GPAT4: variants seen among roughly 807,000 people sequenced by gnomAD.
The protein encoded by GPAT4 is 1-AGP acyltransferase 6.
GPAT4 carries 17 observed loss-of-function variants against 58.0 expected under a neutral mutation model. The observed-to-expected ratio is 0.29, with a 90% CI of 0.20 to 0.44. The LOEUF (loss-of-function observed/expected upper bound fraction) is 0.44, where lower values mean the gene tolerates loss of function less well. Among genes scored for constraint, GPAT4 ranks in the 20% least tolerant of loss-of-function variants. The pLI, the probability that GPAT4 is intolerant of heterozygous loss-of-function variation, is 1.00. For synonymous variants in GPAT4, 204 were observed against 210.1 expected (o/e 0.97, Z 0.25); for missense variants, 377 against 574.5 (o/e 0.66, Z 3.51).
chr8:41,586,452 A>G lies in GPAT4; in HGVS notation c.-849+8174A>G, dbSNP rs141202605. On this transcript the variant is annotated intron_variant, in intron 1 of 12. Transcript: ENST00000396987. ...ACTTAGGAGTAGAATTGCGAGGTAC[A>G]TGGTAACTTTGTTTAACCATTCTCC... Among the ~76,000 whole-genome samples, 568 of 152,298 alleles carry G rather than the reference A, an allele frequency of 3.7e-3. 1 individual carries two copies. The highest frequency in any genetic ancestry group is 6.8e-3 in the Non-Finnish European group (462 of 68,026).
chr8:41,586,248 T>G (rs1031526461), intron 1 of GPAT4, among the ~76,000 whole-genome samples: 1 of 152,256 alleles, frequency 6.6e-6, no homozygotes, highest in African/African-American at 2.4e-5. Context: ...GCGTGTATCA[T>G]TTCTTCATTT....
intron 1 of GPAT4, among the ~76,000 whole-genome samples, chr8:41,589,998 G>A (rs1245442734): frequency 2.0e-5 from 3 of 152,208 alleles, no homozygotes; most frequent in East Asian, 3.8e-4. Context: ...ATGTACGAGC[G>A]TTTATCAAAA....
intron 10 of GPAT4, 198 bp from the exon 11 acceptor site, chr8:41,618,486 G>C: frequency 1.5e-6 from 1 of 659,550 alleles, no homozygotes. Flanking sequence ...CAGAGGCCGG[G>C]TTCCTCGGGG....
At chr8:41,602,253 T>G (rs1202971861) in intron 2 of GPAT4, among the ~76,000 whole-genome samples, 1 of 152,226 alleles carries the variant, frequency 6.6e-6, no homozygotes, top group Non-Finnish European at 1.5e-5. Context: ...CCACCACACC[T>G]GGCCTGGGGC....
At position 41,593,008 on chromosome 8, in the gene GPAT4, C is replaced by G. The variant is rs950960827; in HGVS notation, c.-848-5284C>G. 2.6e-5 allele frequency among the ~76,000 whole-genome samples: 4 copies of G among 152,296 alleles called. No individual in the cohort carries two copies. The South Asian group carries it at 8.3e-4, about 32-fold the overall frequency. Reference sequence around the variant, plus strand: ...ACAAGACTAGTATCCACATTCATTTCCACACAGTCCTAATTCATAACAAAT... The same window carrying G: ...ACAAGACTAGTATCCACATTCATTTGCACACAGTCCTAATTCATAACAAAT... On this transcript the variant is annotated intron_variant, in intron 1 of 12. Coordinates refer to ENST00000396987, the MANE Select transcript of GPAT4 (RefSeq NM_178819.4).
chr8:41,583,378 T>G (rs1401336185), intron 1 of GPAT4, among the ~76,000 whole-genome samples: 1 of 152,160 alleles, frequency 6.6e-6, no homozygotes, highest in Admixed American at 6.6e-5. Flanking sequence ...TGCTGGTATC[T>G]ATTATATTCT....
rs528981053 is a variant in GPAT4, at chr8:41,624,121, G to C, written c.*3120G>C. ...CAAAGTTCTGGGATTACAGGCGTGA[G>C]CCACTGCGCCCAGCCAAGAGGGAAC... On this transcript the variant is annotated 3_prime_UTR_variant, in exon 13 of 13. Coordinates refer to ENST00000396987, the MANE Select transcript of GPAT4 (RefSeq NM_178819.4). The C allele has an allele frequency of 6.6e-6, 1 of 152,424 alleles. No individual in the cohort carries two copies. Among genetic ancestry groups the C allele is most frequent in the African/African-American group, 2.4e-5 (1 of 41,582 alleles). The allele number at this position is 152,424 out of a possible 1,614,324, so 9.4% of individuals were successfully genotyped here.
chr8:41,583,455 T>TA (rs1563266855), intron 1 of GPAT4, among the ~76,000 whole-genome samples: 4 of 152,030 alleles, frequency 2.6e-5, no homozygotes, highest in East Asian at 3.8e-4. Flanking sequence ...TTAAATTTTT[T>TA]TAAAAAAATT....
At chr8:41,611,051 A>AT (rs1803427592) in intron 5 of GPAT4, among the ~76,000 whole-genome samples, 1 of 151,718 alleles carries the variant, frequency 6.6e-6, no homozygotes, top group African/African-American at 2.4e-5. Context: ...GCATGGCGAA[A>AT]CCTGTCTCTA....
intron 1 of GPAT4, among the ~76,000 whole-genome samples, chr8:41,589,804 G>A (rs75921625): frequency 3.8e-4 from 58 of 152,312 alleles, no homozygotes; most frequent in African/African-American, 1.3e-3. Flanking sequence ...TGGGTCTGTG[G>A]AACTCAGGGT....
At chr8:41,590,771 G>C (rs142155893) in intron 1 of GPAT4, among the ~76,000 whole-genome samples, 2 of 152,176 alleles carry the variant, frequency 1.3e-5, no homozygotes, top group African/African-American at 2.4e-5. Context: ...TTGTAGACTA[G>C]AGCATTTTGT....
chr8:41,609,928 T>C lies in GPAT4; in HGVS notation c.509T>C (p.Ile170Thr). 1.2e-6 allele frequency: 2 copies of C among 1,611,518 alleles called. No homozygotes were observed. Among genetic ancestry groups the C allele is most frequent in the Non-Finnish European group, 1.7e-6 (2 of 1,178,248 alleles). ...LTVLWGLGVL[I>T]RYCFLLPLRI... ...GTCCTGTGGGGGTTAGGAGTGCTGA[T>C]TCGGTACTGCTTTCTGCTGCCGCTC... The change falls in exon 4 of 13, where the codon ATT becomes ACT. Residue 170 changes from isoleucine to threonine, a missense_variant. Ile to Thr is a moderately conservative substitution (Grantham distance 89, BLOSUM62 -1). Coordinates refer to ENST00000396987, the MANE Select transcript of GPAT4 (RefSeq NM_178819.4).
At chr8:41,614,759 A>C (rs994115972) in intron 9 of GPAT4, among the ~76,000 whole-genome samples, 6 of 152,190 alleles carry the variant, frequency 3.9e-5, no homozygotes, top group Non-Finnish European at 8.8e-5. Flanking sequence ...AATCAGGGAA[A>C]GTGGTCCTGT....
rs1190809699 is a variant in GPAT4 at position 41,618,797 on chromosome 8, T to C, written c.1167T>C (p.Pro389=). The C allele has an allele frequency of 6.2e-7, 1 of 1,614,214 alleles. No individual in the cohort carries two copies. The highest frequency in any genetic ancestry group is 2.2e-5 in the East Asian group (1 of 44,884). The change falls in exon 11 of 13, where the codon CCT becomes CCC. Residue 389 remains proline, a synonymous_variant. Coordinates refer to ENST00000396987, the MANE Select transcript of GPAT4 (RefSeq NM_178819.4). ...TTGTCTGCAGCGTGTGGTACCTGCC[T>C]CCCATGACTAGAGAGGTGAGTGCCT... ...WAIVCSVWYL[P]PMTREADEDA...
intron 10 of GPAT4, among the ~76,000 whole-genome samples, chr8:41,616,722 C>T (rs562586789): frequency 9.1e-4 from 138 of 152,074 alleles, no homozygotes; most frequent in African/African-American, 2.9e-3. Context: ...GAGGAGTTTC[C>T]GCTCCTCTCC....
chr8:41,581,067 A>T (rs1181342153), intron 1 of GPAT4, among the ~76,000 whole-genome samples: 2 of 152,252 alleles, frequency 1.3e-5, no homozygotes, highest in African/African-American at 2.4e-5. Context: ...GAACCTCATT[A>T]TGACGTGTCT....
At chr8:41,578,917 T>C (rs567855727) in intron 1 of GPAT4, among the ~76,000 whole-genome samples, 1 of 152,240 alleles carries the variant, frequency 6.6e-6, no homozygotes, top group Admixed American at 6.5e-5. Context: ...ATAGGAGACA[T>C]ACGGTGTAGC....
At chr8:41,613,440 A>G (rs1803501751) in intron 8 of GPAT4, among the ~76,000 whole-genome samples, 1 of 152,150 alleles carries the variant, frequency 6.6e-6, no homozygotes, top group Admixed American at 6.5e-5. Flanking sequence ...AATGTTTCTT[A>G]ACCTTTTTTT....
intron 2 of GPAT4, among the ~76,000 whole-genome samples, chr8:41,606,065 C>T (rs953491842): frequency 1.3e-5 from 2 of 152,208 alleles, no homozygotes; most frequent in Non-Finnish European, 1.5e-5. Context: ...CTATGCATCT[C>T]TTCCATCTGG....
Sources: gnomAD v4.1 joint callset for allele counts (sites outside exome capture counted in the v4.1 genomes callset) on GRCh38, gnomAD v4.1.1 for gene constraint, MANE v1.5 for transcripts, NCBI Gene and HGNC (gene_info 2026-07-23, HGNC 2026-07-21) for gene names.